The following DEPDC5 variants were observed in gnomAD, a reference collection of about 807,000 sequenced individuals.
DEPDC5 encodes the protein GATOR1 complex protein DEPDC5.
In DEPDC5, 73 loss-of-function variants were observed where a neutral mutation model predicts 217.3. The observed-to-expected ratio is 0.34, with a 90% CI of 0.28 to 0.41. The LOEUF (loss-of-function observed/expected upper bound fraction) is 0.41. DEPDC5 is among the 10% of genes least tolerant of loss of function. The pLI is 1.00. For synonymous variants in DEPDC5, 733 were observed against 756.7 expected, an observed-to-expected ratio of 0.97 and a Z score of 0.51; for missense variants, 1,675 against 2,070.1, an observed-to-expected ratio of 0.81 and a Z score of 3.70.
At chr22:31,868,036 TG>T (rs1233687367) in intron 33 of DEPDC5, among the ~76,000 whole-genome samples, 4 of 152,228 alleles carry the variant, frequency 2.6e-5, no homozygotes, top group Non-Finnish European at 5.9e-5. Flanking sequence ...TAAACCTTAC[TG>T]GTTAGAGGCA....
chr22:31,766,753 C>T lies in DEPDC5; in HGVS notation c.363+85C>T, dbSNP rs749919165. On this transcript the variant is annotated intron_variant, in intron 6 of 42. Transcript: ENST00000651528. ...TTATTATGGGAGAAGAATATAAAAT[C>T]GTTTCTGATTTTATATCAGCATCTA... 65 of 1,290,388 alleles carry T rather than the reference C, an allele frequency of 5.0e-5. 2 individuals are homozygous for T. In the South Asian group the frequency reaches 7.3e-4, roughly 14 times the overall value. The allele number at this position is 1,290,388 out of a possible 1,614,324, so 79.9% of individuals were successfully genotyped here.
chr22:31,758,961 T>C (rs994392187), intron 3 of DEPDC5, among the ~76,000 whole-genome samples: 1 of 151,810 alleles, frequency 6.6e-6, no homozygotes, highest in Non-Finnish European at 1.5e-5. Flanking sequence ...AGAGTGCAGT[T>C]GTGTAATCTC....
chr22:31,820,402 G>A (rs150589493), intron 22 of DEPDC5, among the ~76,000 whole-genome samples: 14 of 152,088 alleles, frequency 9.2e-5, no homozygotes, highest in Non-Finnish European at 2.1e-4. Flanking sequence ...GTGAGTCACC[G>A]TGCCTGGCCA....
At chr22:31,813,256 G>A (rs575828430) in intron 20 of DEPDC5, among the ~76,000 whole-genome samples, 59 of 152,254 alleles carry the variant, frequency 3.9e-4, no homozygotes, top group African/African-American at 1.3e-3. Flanking sequence ...GAGCTACTTA[G>A]GGGCTTTTCT....
In DEPDC5 at chr22:31,864,530, A is replaced by ATATATATATATATATATATATATATATT. The variant is rs1372150061; in HGVS notation, c.3330+3100_3330+3101insATATATATATATATATATATATATTTAT. 4.3e-5 allele frequency among the ~76,000 whole-genome samples: 6 copies of ATATATATATATATATATATATATATATT among 139,028 alleles called. 1 individual carries two copies. Among genetic ancestry groups the ATATATATATATATATATATATATATATT allele is most frequent in the Non-Finnish European group, 7.7e-5 (5 of 64,624 alleles). 91.2% of individuals were successfully genotyped at this position (139,028 alleles called of 152,430 possible). On this transcript the variant is annotated intron_variant, in intron 33 of 42. Transcript: ENST00000651528. Reference sequence around the variant, plus strand: ...TATATATATATATATATATATTTATATATTTATTTATTTACTGTGTGTATT... The same window carrying ATATATATATATATATATATATATATATT: ...TATATATATATATATATATATTTATATATATATATATATATATATATATATATTTATTTATTTATTTACTGTGTGTATT...
chr22:31,895,779 T>C (rs557579163), intron 39 of DEPDC5, among the ~76,000 whole-genome samples: 1 of 151,962 alleles, frequency 6.6e-6, no homozygotes, highest in Non-Finnish European at 1.5e-5. Flanking sequence ...CAGGTCTCTG[T>C]CTGCCTCCAC....
chr22:31,892,645 C>T (rs2093462198), intron 38 of DEPDC5, among the ~76,000 whole-genome samples: 1 of 152,108 alleles, frequency 6.6e-6, no homozygotes, highest in African/African-American at 2.4e-5. Context: ...GATCACGCTA[C>T]TGCACTCCAG....
At chr22:31,827,547 G>A (rs1157018754) in intron 24 of DEPDC5, among the ~76,000 whole-genome samples, 1 of 152,086 alleles carries the variant, frequency 6.6e-6, no homozygotes, top group African/African-American at 2.4e-5. Flanking sequence ...ACAAATCAGA[G>A]TGACCTTTAT....
At chr22:31,877,436 CA>C (rs71184527) in intron 37 of DEPDC5, among the ~76,000 whole-genome samples, 135 of 21,006 alleles carry the variant, frequency 6.4e-3, no homozygotes, top group African/African-American at 0.013. Context: ...GACTCCATCT[CA>C]AAAAAAAAAA....
At chr22:31,852,384 A>G (rs9621351) in intron 31 of DEPDC5, among the ~76,000 whole-genome samples, 15,473 of 131,214 alleles carry the variant, frequency 0.12, 951 homozygotes, top group South Asian at 0.2. Context: ...CTTGTTGCCT[A>G]GGCTGGAGTG....
In DEPDC5 at chr22:31,785,602, CT is replaced by C. The variant is rs982041092; in HGVS notation, c.624+728del. Among the ~76,000 whole-genome samples, 325 of 122,674 alleles carry C rather than the reference CT, an allele frequency of 2.6e-3. 2 individuals carry two copies. The highest frequency in any genetic ancestry group is 9.1e-3 in the African/African-American group (304 of 33,280). The allele number at this position is 122,674 out of a possible 152,430, so 80.5% of individuals were successfully genotyped here. On this transcript the variant is annotated intron_variant, in intron 10 of 42. Transcript: ENST00000651528. Reference sequence around the variant, plus strand: ...ATACCAGTGCCTTTTTTTTTTTTTTCTGATCCTAAAATTTATGTGGAATTGC... The same window carrying C: ...ATACCAGTGCCTTTTTTTTTTTTTTCGATCCTAAAATTTATGTGGAATTGC...
intron 7 of DEPDC5, among the ~76,000 whole-genome samples, chr22:31,773,900 T>C (rs2083578691): frequency 6.6e-6 from 1 of 152,046 alleles, no homozygotes; most frequent in Non-Finnish European, 1.5e-5. Flanking sequence ...GGTGAAACCC[T>C]GTCTCTACTA....
At chr22:31,790,271 C>T (rs1367853073) in intron 10 of DEPDC5, among the ~76,000 whole-genome samples, 1 of 152,106 alleles carries the variant, frequency 6.6e-6, no homozygotes, top group Non-Finnish European at 1.5e-5. Context: ...ATTCTGTAGT[C>T]ACTAAGCATA....
At chr22:31,854,850 TA>T (rs1269172491) in intron 31 of DEPDC5, among the ~76,000 whole-genome samples, 1 of 152,142 alleles carries the variant, frequency 6.6e-6, no homozygotes, top group Non-Finnish European at 1.5e-5. Context: ...CTACTTTCTT[TA>T]ACAAATAAAT....
chr22:31,786,337 A>C (rs1300731425), intron 10 of DEPDC5, among the ~76,000 whole-genome samples: 1 of 150,972 alleles, frequency 6.6e-6, no homozygotes, highest in East Asian at 1.9e-4. Flanking sequence ...GGCAGATTGC[A>C]TGAGCCCTGG....
At chr22:31,762,397 G>T (rs2148056697) in intron 4 of DEPDC5, among the ~76,000 whole-genome samples, 1 of 152,280 alleles carries the variant, frequency 6.6e-6, no homozygotes, top group East Asian at 1.9e-4. Context: ...GAACCAAAAT[G>T]TTAATTGAAA....
At position 31,880,908 on chromosome 22, in the gene DEPDC5, G is replaced by A. The variant is rs1356885317; in HGVS notation, c.4033+1156G>A. Among the ~76,000 whole-genome samples the A allele has an allele frequency of 9.2e-5, 14 of 152,174 alleles. No individual in the cohort carries two copies. The South Asian group carries it at 1.7e-3, about 18-fold the overall frequency. On this transcript the variant is annotated intron_variant, in intron 38 of 42. Transcript: ENST00000651528. ...GCGTGACAGTGTGCACCAGGTACTC[G>A]GGAGGCTGAGGCAGGAGAATGGCAT...
At chr22:31,792,907 A>T in intron 12 of DEPDC5, 90 bp downstream of exon 12, 1 of 1,155,122 alleles carries the variant, frequency 8.7e-7, no homozygotes, top group Non-Finnish European at 1.2e-6. Context: ...CAACATGGCG[A>T]AACCCTGTCT....
chr22:31,826,682 A>C (rs1398625251), intron 24 of DEPDC5, among the ~76,000 whole-genome samples: 1 of 152,100 alleles, frequency 6.6e-6, no homozygotes, highest in African/African-American at 2.4e-5. Flanking sequence ...CCAATTGTAC[A>C]ACTTGGCATG....
Sources: gnomAD v4.1 joint callset for allele counts (sites outside exome capture counted in the v4.1 genomes callset) on GRCh38, gnomAD v4.1.1 for gene constraint, MANE v1.5 for transcripts, NCBI Gene and HGNC (gene_info 2026-07-23, HGNC 2026-07-21) for gene names.